Variants in HS3ST5 observed in about 807,000 individuals in gnomAD.
The protein encoded by HS3ST5 is heparan sulfate-glucosamine 3-sulfotransferase 5.
In HS3ST5, 10 loss-of-function variants were observed where a neutral mutation model predicts 25.4. The ratio of observed to expected loss-of-function variants is 0.39; its 90% CI spans 0.24 to 0.67. The LOEUF (loss-of-function observed/expected upper bound fraction) is 0.67, where lower values mean the gene tolerates loss of function less well. HS3ST5 is among the 30% of genes least tolerant of loss of function. The pLI, the probability that HS3ST5 is intolerant of heterozygous loss-of-function variation, is 0.44. For synonymous variants in HS3ST5, 170 were observed against 162.4 expected (o/e 1.05, Z -0.36); for missense variants, 324 against 420.7 (o/e 0.77, Z 2.01).
intron 1 of HS3ST5, among the ~76,000 whole-genome samples, chr6:114,301,368 G>A (rs948420703): frequency 3.3e-5 from 5 of 152,126 alleles, no homozygotes; most frequent in Non-Finnish European, 7.4e-5. Flanking sequence ...GTGTTGCACT[G>A]GAGAAAAGAT....
intron 3 of HS3ST5, among the ~76,000 whole-genome samples, chr6:114,152,834 T>C (rs925267800): frequency 6.6e-6 from 1 of 152,242 alleles, no homozygotes; most frequent in Non-Finnish European, 1.5e-5. Context: ...AAGCCTTTGC[T>C]GCTAGAGGCT....
chr6:114,249,064 G>A (rs1772520951), intron 1 of HS3ST5, among the ~76,000 whole-genome samples: 1 of 152,198 alleles, frequency 6.6e-6, no homozygotes, highest in Non-Finnish European at 1.5e-5. Context: ...GTGCTACCCA[G>A]TTTCTCAGAG....
In HS3ST5 at chr6:114,203,413, T is replaced by C. The variant is rs1477660434; in HGVS notation, c.-145+25172A>G. Among the ~76,000 whole-genome samples the C allele has an allele frequency of 3.3e-5, 5 of 152,326 alleles. No homozygotes were observed. The East Asian group carries it at 9.6e-4, about 29-fold the overall frequency. On this transcript the variant is annotated intron_variant, in intron 2 of 4. Transcript: ENST00000312719. ...ATGAAAGGCCACAAGGTTAGGATTATGTGGGAACCCTGAATTCTACTAAGA... is the reference window on the plus strand; with the variant it reads ...ATGAAAGGCCACAAGGTTAGGATTACGTGGGAACCCTGAATTCTACTAAGA...
chr6:114,255,465 T>C (rs1331840716), intron 1 of HS3ST5, among the ~76,000 whole-genome samples: 1 of 152,128 alleles, frequency 6.6e-6, no homozygotes, highest in Non-Finnish European at 1.5e-5. Flanking sequence ...GTCTGGAGGA[T>C]GGTGGCCCTC....
intron 1 of HS3ST5, among the ~76,000 whole-genome samples, chr6:114,331,990 A>G (rs1562278467): frequency 1.3e-5 from 2 of 152,000 alleles, no homozygotes; most frequent in Non-Finnish European, 2.9e-5. Flanking sequence ...TGATTATTAG[A>G]TATAATTTAA....
At chr6:114,271,014 A>T (rs1324403646) in intron 1 of HS3ST5, among the ~76,000 whole-genome samples, 1 of 152,010 alleles carries the variant, frequency 6.6e-6, no homozygotes, top group Non-Finnish European at 1.5e-5. Context: ...ATCAGAGGGG[A>T]TCTTAGAGGC....
At chr6:114,294,441 C>CTTTTTT (rs57443813) in intron 1 of HS3ST5, among the ~76,000 whole-genome samples, 8 of 112,966 alleles carry the variant, frequency 7.1e-5, no homozygotes, top group African/African-American at 2.1e-4. Context: ...AGGTTAGAAA[C>CTTTTTT]TTTTTTTTTT....
At position 114,297,350 on chromosome 6, in the gene HS3ST5, G is replaced by C. The variant is rs11963139; in HGVS notation, c.-339+44845C>G. On this transcript the variant is annotated intron_variant, in intron 1 of 4. Transcript: ENST00000312719. The stretch of plus-strand genomic sequence containing the variant: ...CAAGCAAGAGAATCTGCTGAATAAG[G>C]CCATTTCGGATACGCAGGGAACACC... Among the ~76,000 whole-genome samples the C allele has an allele frequency of 9.2e-3, 1,403 of 152,206 alleles. 17 individuals carry two copies. The highest frequency in any genetic ancestry group is 0.032 in the African/African-American group (1,325 of 41,524).
At chr6:114,329,799 G>A (rs1160773506) in intron 1 of HS3ST5, among the ~76,000 whole-genome samples, 1 of 152,116 alleles carries the variant, frequency 6.6e-6, no homozygotes, top group African/African-American at 2.4e-5. Flanking sequence ...TTGTGTGCTA[G>A]ATAATTAATT....
chr6:114,119,517 T>A (rs1398519220), intron 3 of HS3ST5, among the ~76,000 whole-genome samples: 1 of 152,140 alleles, frequency 6.6e-6, no homozygotes, highest in Admixed American at 6.6e-5. Context: ...ATGAAAAACC[T>A]AGGAGATTAA....
chr6:114,273,181 G>A (rs1420847068), intron 1 of HS3ST5, among the ~76,000 whole-genome samples: 2 of 152,016 alleles, frequency 1.3e-5, no homozygotes, highest in Non-Finnish European at 1.5e-5. Context: ...GGTGGAGAAG[G>A]GGGTAAGTGG....
At chr6:114,084,191 C>T (rs1028764904) in intron 3 of HS3ST5, 2 of 1,047,930 alleles carry the variant, frequency 1.9e-6, no homozygotes, top group African/African-American at 1.6e-5. Context: ...GTGGTTGCTC[C>T]TATCCATTCA....
At chr6:114,263,268 A>G (rs1184771944) in intron 1 of HS3ST5, among the ~76,000 whole-genome samples, 2 of 152,096 alleles carry the variant, frequency 1.3e-5, no homozygotes, top group Non-Finnish European at 2.9e-5. Context: ...CAAGATTTTT[A>G]TTAACTTATT....
At chr6:114,225,803 T>C (rs1235181221) in intron 2 of HS3ST5, among the ~76,000 whole-genome samples, 1 of 151,932 alleles carries the variant, frequency 6.6e-6, no homozygotes, top group Non-Finnish European at 1.5e-5. Flanking sequence ...TTTTATTTTC[T>C]GCTTCTTGAA....
At chr6:114,249,169 A>G (rs566411353) in intron 1 of HS3ST5, among the ~76,000 whole-genome samples, 1 of 152,306 alleles carries the variant, frequency 6.6e-6, no homozygotes, top group East Asian at 1.9e-4. Flanking sequence ...GAGACTACAT[A>G]CCTAAAAAAG....
At chr6:114,071,325 C>G (rs1773810202) in intron 3 of HS3ST5, among the ~76,000 whole-genome samples, 1 of 152,154 alleles carries the variant, frequency 6.6e-6, no homozygotes, top group African/African-American at 2.4e-5. Context: ...GCTTGCTCTC[C>G]CTCCCAGGCC....
intron 2 of HS3ST5, among the ~76,000 whole-genome samples, chr6:114,222,733 G>C (rs1251238498): frequency 2.0e-5 from 3 of 151,738 alleles, no homozygotes; most frequent in African/African-American, 7.2e-5. Context: ...AATGGTTTGT[G>C]GCTGTAAAAT....
intron 1 of HS3ST5, among the ~76,000 whole-genome samples, chr6:114,241,428 A>G (rs1028060118): frequency 2.0e-5 from 3 of 151,968 alleles, no homozygotes; most frequent in Non-Finnish European, 2.9e-5. Context: ...TCTCCCTTTT[A>G]TCTACATTCA....
chr6:114,245,325 G>A (rs1175932416), intron 1 of HS3ST5, among the ~76,000 whole-genome samples: 2 of 152,008 alleles, frequency 1.3e-5, no homozygotes, highest in African/African-American at 4.8e-5. Context: ...GAGATAGGAC[G>A]GTAATGCACA....
Sources: allele counts gnomAD v4.1 joint callset (sites outside exome capture counted in the v4.1 genomes callset), GRCh38; gene constraint gnomAD v4.1.1; transcripts MANE v1.5; gene names NCBI Gene and HGNC (gene_info 2026-07-23, HGNC 2026-07-21).